NELL2: variants seen among roughly 807,000 people sequenced by gnomAD.
NELL2 encodes protein kinase C-binding protein NELL2.
Under a neutral mutation model 109.6 loss-of-function variants are expected in NELL2, and 41 were observed. That is an observed-to-expected ratio of 0.37 (90% CI 0.29 to 0.49). The LOEUF is 0.49. NELL2 is among the 20% of genes least tolerant of loss of function. The probability of loss-of-function intolerance (pLI) is 0.98; values close to 1 mark genes in which losing one functional copy is unlikely to be tolerated. For missense variants in NELL2, 900 were observed against 1,008.3 expected (o/e 0.89, Z 1.45); for synonymous variants, 355 against 344.7 (o/e 1.03, Z -0.33).
chr12:44,780,131 T>A, intron 3 of NELL2, 109 bp from the exon 4 acceptor site: 1 of 1,082,776 alleles, frequency 9.2e-7, no homozygotes. Context: ...GTTCTCCCAC[T>A]AAGTACAACT....
rs1298712401 is a variant in NELL2, at chr12:44,697,629, C to T, written c.1318+6097G>A. The stretch of plus-strand genomic sequence containing the variant: ...ATATAAGCCAATATAAAGTGCTAAT[C>T]GTTCAGTCAGATAAGATAAAAAGAG... On this transcript the variant is annotated intron_variant, in intron 12 of 19. Transcript: ENST00000429094. Among the ~76,000 whole-genome samples the T allele has an allele frequency of 2.0e-5, 3 of 152,158 alleles. No homozygotes were observed. In the South Asian group the frequency reaches 6.2e-4, roughly 32 times the overall value.
At chr12:44,653,625 T>C (rs975885819) in intron 13 of NELL2, among the ~76,000 whole-genome samples, 1 of 152,202 alleles carries the variant, frequency 6.6e-6, no homozygotes, top group Non-Finnish European at 1.5e-5. Context: ...TAAGCCACAC[T>C]GAAAATTTGC....
At chr12:44,521,453 C>T (rs1325346680) in intron 18 of NELL2, among the ~76,000 whole-genome samples, 3 of 149,946 alleles carry the variant, frequency 2.0e-5, no homozygotes, top group Admixed American at 1.3e-4. Flanking sequence ...TGGCGTGAAC[C>T]CGGGAGGCGG....
In NELL2 at chr12:44,535,545, A is replaced by G. The variant is rs574511718; in HGVS notation, c.1664-2824T>C. ...GCTTTATTTTAATAAAATTAAATTT[A>G]TGAAAATCTGAATTTACAATCATAT... On this transcript the variant is annotated intron_variant, in intron 15 of 19. Transcript: ENST00000429094. 1.1e-4 allele frequency among the ~76,000 whole-genome samples: 16 copies of G among 152,192 alleles called. No individual in the cohort carries two copies. The East Asian group carries it at 3.1e-3, about 29-fold the overall frequency.
intron 1 of NELL2, among the ~76,000 whole-genome samples, chr12:44,898,462 C>G (rs973692444): frequency 6.6e-6 from 1 of 152,288 alleles, no homozygotes; most frequent in Non-Finnish European, 1.5e-5. Flanking sequence ...CCCAGGCAAA[C>G]AGGATCTGGA....
At chr12:44,903,273 C>A (rs546731357) in intron 1 of NELL2, among the ~76,000 whole-genome samples, 2 of 152,234 alleles carry the variant, frequency 1.3e-5, no homozygotes, top group African/African-American at 4.8e-5. Context: ...ATGTGGCCAA[C>A]AAACATATTT....
At chr12:44,668,949 T>C (rs1310807921) in intron 12 of NELL2, among the ~76,000 whole-genome samples, 7 of 151,110 alleles carry the variant, frequency 4.6e-5, no homozygotes, top group Admixed American at 3.9e-4. Flanking sequence ...GGCCCACCCA[T>C]ATCTGCCACT....
At chr12:44,583,230 C>T (rs1944383760) in intron 15 of NELL2, among the ~76,000 whole-genome samples, 1 of 152,128 alleles carries the variant, frequency 6.6e-6, no homozygotes. Flanking sequence ...TGAAAGTTGA[C>T]AAGGAGGGTT....
intron 9 of NELL2, among the ~76,000 whole-genome samples, chr12:44,754,744 A>G (rs911446869): frequency 2.6e-5 from 4 of 152,236 alleles, no homozygotes; most frequent in African/African-American, 7.2e-5. Flanking sequence ...GAGTTATAAA[A>G]CAAGTTGACC....
chr12:44,601,608 A>G (rs1945224887), intron 15 of NELL2, among the ~76,000 whole-genome samples: 1 of 152,152 alleles, frequency 6.6e-6, no homozygotes, highest in Non-Finnish European at 1.5e-5. Flanking sequence ...AGCTAACTCA[A>G]GGATGTCAAA....
chr12:44,774,864 A>G lies in NELL2; in HGVS notation c.892-15T>C, dbSNP rs778883108. Reference sequence around the variant, plus strand: ...ATGGTTCCATTCTGAAAAGGAAACAATATTTAAAGAATTTCCATGTTAGAG... The same window carrying G: ...ATGGTTCCATTCTGAAAAGGAAACAGTATTTAAAGAATTTCCATGTTAGAG... On this transcript the variant is annotated splice_polypyrimidine_tract_variant and intron_variant, in intron 8 of 19. Transcript: ENST00000429094. The G allele has an allele frequency of 6.4e-7, 1 of 1,563,746 alleles. No individual in the cohort carries two copies. Among genetic ancestry groups the G allele is most frequent in the South Asian group, 1.1e-5 (1 of 87,424 alleles).
chr12:44,883,936 G>A (rs961574728), intron 1 of NELL2, among the ~76,000 whole-genome samples: 2 of 151,430 alleles, frequency 1.3e-5, no homozygotes, highest in Non-Finnish European at 2.9e-5. Context: ...AAGAACAAAG[G>A]GAAACAATAA....
intron 9 of NELL2, among the ~76,000 whole-genome samples, chr12:44,764,079 C>T (rs1156335234): frequency 6.6e-6 from 1 of 152,080 alleles, no homozygotes; most frequent in East Asian, 1.9e-4. Context: ...AGAAAAAGAC[C>T]TCATCTAATA....
intron 13 of NELL2, among the ~76,000 whole-genome samples, chr12:44,658,346 G>A (rs1452035129): frequency 6.6e-6 from 1 of 152,148 alleles, no homozygotes; most frequent in Non-Finnish European, 1.5e-5. Flanking sequence ...ATTCACAATT[G>A]CTACAAAGAG....
At chr12:44,692,025 A>C (rs1235468561) in intron 12 of NELL2, among the ~76,000 whole-genome samples, 1 of 152,226 alleles carries the variant, frequency 6.6e-6, no homozygotes, top group Non-Finnish European at 1.5e-5. Flanking sequence ...ACACTAAACA[A>C]CAGGTTTTCA....
At chr12:44,918,546 T>C (rs989327462), upstream of NELL2, among the ~76,000 whole-genome samples, 2 of 151,556 alleles carry the variant, frequency 1.3e-5, no homozygotes, top group Admixed American at 6.6e-5. Flanking sequence ...TGTGTGTGTG[T>C]GTGTGTGTGT....
At chr12:44,826,422 T>C (rs985070291) in intron 2 of NELL2, among the ~76,000 whole-genome samples, 1 of 152,344 alleles carries the variant, frequency 6.6e-6, no homozygotes, top group East Asian at 1.9e-4. Context: ...ACTATTATGA[T>C]AGTTACTCTC....
chr12:44,567,180 T>TG (rs1592131666), intron 15 of NELL2, among the ~76,000 whole-genome samples: 1 of 152,226 alleles, frequency 6.6e-6, no homozygotes, highest in East Asian at 1.9e-4. Context: ...TACGTTTTCA[T>TG]GAATCAGGAT....
At chr12:44,768,744 T>G (rs1168461990) in intron 9 of NELL2, among the ~76,000 whole-genome samples, 1 of 142,374 alleles carries the variant, frequency 7.0e-6, no homozygotes, top group Non-Finnish European at 1.5e-5. Context: ...TTTCTTTTGA[T>G]TGCTACTTCT....
Sources: allele counts gnomAD v4.1 joint callset (sites outside exome capture counted in the v4.1 genomes callset), GRCh38; gene constraint gnomAD v4.1.1; transcripts MANE v1.5; gene names NCBI Gene and HGNC (gene_info 2026-07-23, HGNC 2026-07-21).